The following DOCK2 variants were observed in gnomAD, a reference collection of about 807,000 sequenced individuals.
DOCK2 encodes the protein dedicator of cytokinesis 2, also known as dedicator of cytokinesis protein 2.
In DOCK2, 87 loss-of-function variants were observed where a neutral mutation model predicts 248.9. The ratio of observed to expected loss-of-function variants is 0.35; its 90% CI spans 0.29 to 0.42. DOCK2 has a LOEUF of 0.42. DOCK2 is among the 10% of genes least tolerant of loss of function. DOCK2 has a pLI of 1.00. For missense variants in DOCK2, 1,747 were observed against 2,300.2 expected (o/e 0.76, Z 4.92); for synonymous variants, 805 against 821.6 (o/e 0.98, Z 0.35).
chr5:169,913,986 C>G (rs181888381), intron 27 of DOCK2, among the ~76,000 whole-genome samples: 1 of 152,244 alleles, frequency 6.6e-6, no homozygotes, highest in African/African-American at 2.4e-5. Flanking sequence ...CGTGTCCTGA[C>G]CCATATCACA....
At chr5:170,029,068 C>T in intron 34 of DOCK2, among the ~76,000 whole-genome samples, 1 of 152,052 alleles carries the variant, frequency 6.6e-6, no homozygotes, top group Non-Finnish European at 1.5e-5. Flanking sequence ...GTGGACATAA[C>T]GTTTACAGTT....
chr5:169,688,984 A>G (rs1760139048), intron 8 of DOCK2, among the ~76,000 whole-genome samples: 1 of 152,202 alleles, frequency 6.6e-6, no homozygotes, highest in African/African-American at 2.4e-5. Context: ...AATATTAGAC[A>G]GCTGTGCCAG....
chr5:170,038,942 C>T (rs1418302777), intron 36 of DOCK2, among the ~76,000 whole-genome samples: 1 of 152,196 alleles, frequency 6.6e-6, no homozygotes, highest in Non-Finnish European at 1.5e-5. Context: ...TGTGTGCACA[C>T]ACAGGTGTTT....
chr5:169,924,099 C>A (rs1775314049), intron 27 of DOCK2, among the ~76,000 whole-genome samples: 1 of 152,152 alleles, frequency 6.6e-6, no homozygotes, highest in Admixed American at 6.5e-5. Flanking sequence ...CCTGCTGTGC[C>A]CCCTGGAATC....
chr5:169,753,413 T>C (rs1764018194), intron 23 of DOCK2, among the ~76,000 whole-genome samples: 1 of 151,436 alleles, frequency 6.6e-6, no homozygotes, highest in South Asian at 2.1e-4. Context: ...TGTGTTCTTA[T>C]TCTTGCTCTC....
chr5:169,823,099 A>G (rs1768579960), intron 26 of DOCK2, among the ~76,000 whole-genome samples: 1 of 152,218 alleles, frequency 6.6e-6, no homozygotes, highest in Non-Finnish European at 1.5e-5. Flanking sequence ...ATAGACCAAT[A>G]ACAGGCTCTG....
chr5:169,699,882 G>A, intron 12 of DOCK2, 132 bp from the exon 13 acceptor site: 3 of 1,324,486 alleles, frequency 2.3e-6, no homozygotes, highest in East Asian at 2.4e-5. Flanking sequence ...TGTGGGCTGG[G>A]TGGCTGCATC....
intron 22 of DOCK2, among the ~76,000 whole-genome samples, chr5:169,731,530 G>A (rs973755501): frequency 6.6e-6 from 1 of 152,034 alleles, no homozygotes; most frequent in East Asian, 1.9e-4. Context: ...TTTGTAAATG[G>A]CCTAGTCTCG....
intron 27 of DOCK2, among the ~76,000 whole-genome samples, chr5:169,973,178 A>G (rs895858215): frequency 1.2e-4 from 18 of 152,164 alleles, no homozygotes; most frequent in Admixed American, 6.5e-5. Flanking sequence ...TTCTGTGAAC[A>G]TATTTATCTG....
intron 46 of DOCK2, among the ~76,000 whole-genome samples, chr5:170,073,456 A>C (rs1402172286): frequency 6.6e-6 from 1 of 152,226 alleles, no homozygotes; most frequent in East Asian, 1.9e-4. Context: ...AAATTTTAAA[A>C]TAACCTTGCC....
chr5:170,008,906 C>A (rs913212319), intron 32 of DOCK2, among the ~76,000 whole-genome samples, 160 bp downstream of exon 32: 1 of 152,012 alleles, frequency 6.6e-6, no homozygotes, highest in African/African-American at 2.4e-5. Flanking sequence ...TGATTATACT[C>A]TGAATAAGAG....
At chr5:169,952,299 T>C (rs1221060078) in intron 27 of DOCK2, among the ~76,000 whole-genome samples, 1 of 152,210 alleles carries the variant, frequency 6.6e-6, no homozygotes, top group African/African-American at 2.4e-5. Flanking sequence ...ACTTGTTGTG[T>C]ACCTGATGCA....
At chr5:170,048,133 T>C (rs1232632263) in intron 40 of DOCK2, among the ~76,000 whole-genome samples, 1 of 152,248 alleles carries the variant, frequency 6.6e-6, no homozygotes, top group African/African-American at 2.4e-5. Flanking sequence ...GGCTGATGCC[T>C]GTAATCCCAG....
At chr5:169,674,578 T>A in intron 6 of DOCK2, 133 bp downstream of exon 6, 1 of 1,369,358 alleles carries the variant, frequency 7.3e-7, no homozygotes, top group Non-Finnish European at 9.9e-7. Context: ...TTGTGACCAA[T>A]GGCTGTGCTT....
intron 34 of DOCK2, chr5:170,028,546 C>A (rs1756006863): frequency 6.5e-6 from 1 of 154,398 alleles, no homozygotes. Context: ...CCCAAGACCA[C>A]TGGACTTGGA....
chr5:169,746,769 A>C (rs1265459640), intron 22 of DOCK2, among the ~76,000 whole-genome samples: 1 of 152,200 alleles, frequency 6.6e-6, no homozygotes, highest in Non-Finnish European at 1.5e-5. Context: ...TACCCATTAA[A>C]ACTTTGACAA....
intron 25 of DOCK2, among the ~76,000 whole-genome samples, chr5:169,787,243 T>C (rs1183677093): frequency 2.6e-5 from 4 of 152,258 alleles, no homozygotes; most frequent in Non-Finnish European, 5.9e-5. Flanking sequence ...TGGAGCCTCC[T>C]TGATGGCCGA....
chr5:169,893,553 G>A (rs1442266790), intron 27 of DOCK2, among the ~76,000 whole-genome samples: 2 of 150,770 alleles, frequency 1.3e-5, no homozygotes, highest in Admixed American at 6.6e-5. Flanking sequence ...GTCAAACACT[G>A]GGGGAGCTGC....
chr5:170,057,819 A>T (rs569860801), intron 44 of DOCK2, among the ~76,000 whole-genome samples, 153 bp downstream of exon 44: 1 of 150,598 alleles, frequency 6.6e-6, no homozygotes, highest in African/African-American at 2.5e-5. Flanking sequence ...AGCATTCAGA[A>T]TAGTGCCTTT....
Sources: gnomAD v4.1 joint callset for allele counts (sites outside exome capture counted in the v4.1 genomes callset) on GRCh38, gnomAD v4.1.1 for gene constraint, MANE v1.5 for transcripts, NCBI Gene and HGNC (gene_info 2026-07-23, HGNC 2026-07-21) for gene names.